The following CHGA variants were observed in gnomAD, a reference collection of about 807,000 sequenced individuals.
The protein encoded by CHGA is chromogranin-A.
CHGA carries 41 observed loss-of-function variants against 54.4 expected under a neutral mutation model. The ratio of observed to expected loss-of-function variants is 0.75; its 90% confidence interval spans 0.59 to 0.98. The LOEUF is 0.98. CHGA is among the 50% of genes least tolerant of loss of function. The pLI is 0.00. For missense variants in CHGA, 576 were observed against 582.3 expected (o/e 0.99, Z 0.11); for synonymous variants, 249 against 232.8 (o/e 1.07, Z -0.63).
Position 92,932,783 on chromosome 14 carries a change from C to A in CHGA, c.1222C>A (p.Pro408Thr). The part of the protein sequence containing the change: ...SREDSLEAGL[P>T]LQVRGYPEEK... ...GGAGGACAGCCTTGAGGCGGGCCTG[C>A]CCCTCCAGGTCCGAGGCTACCCCGA... is the stretch of plus-strand genomic sequence containing the variant. The change falls in exon 7 of 8, where the codon CCC becomes ACC. Residue 408 changes from proline to threonine, a missense_variant. By Grantham distance (38) the Pro-to-Thr change is conservative (BLOSUM62 -1). Transcript: ENST00000216492. The surrounding 1 kb of genome is among the most constrained non-coding windows in gnomAD (Gnocchi z 5.3). 6.3e-7 allele frequency: 1 copy of A among 1,584,428 alleles called. No individual in the cohort carries two copies. The highest frequency in any genetic ancestry group is 8.6e-7 in the Non-Finnish European group (1 of 1,164,592).
At chr14:92,926,416 G>T in intron 2 of CHGA, 189 bp from the exon 3 acceptor site, 1 of 608,212 alleles carries the variant, frequency 1.6e-6, no homozygotes, top group South Asian at 1.9e-5. Context: ...CTGTGTTAAG[G>T]GTTTTCTATT....
In CHGA at chr14:92,932,754, C is replaced by A. The variant is rs1165783928; in HGVS notation, c.1193C>A (p.Ser398Tyr). The A allele has an allele frequency of 6.2e-7, 1 of 1,607,018 alleles. No individual in the cohort carries two copies. The highest frequency in any genetic ancestry group is 1.3e-5 in the African/African-American group (1 of 74,848). ...CTGCGACGAGGCTGGAGGCCATCCT[C>A]CCGGGAGGACAGCCTTGAGGCGGGC... ...PQLRRGWRPS[S>Y]REDSLEAGLP... Residue 398 changes from serine (S) to tyrosine (Y), a missense_variant, in exon 7 of 8, where the codon TCC (serine) becomes TAC (tyrosine). Transcript: ENST00000216492. This position sits in a 1 kb window ranked among gnomAD's most constrained non-coding sequence, Gnocchi z 5.3.
intron 2 of CHGA, among the ~76,000 whole-genome samples, chr14:92,924,817 T>C (rs1886855645): frequency 6.6e-6 from 1 of 152,110 alleles, no homozygotes; most frequent in South Asian, 2.1e-4. Flanking sequence ...GAGACACTAG[T>C]AGGGGTTTCT....
chr14:92,932,133 T>C lies in CHGA; in HGVS notation c.809-237T>C. On this transcript the variant is annotated intron_variant, in intron 6 of 7. Transcript: ENST00000216492. The surrounding 1 kb of genome is among the most constrained non-coding windows in gnomAD (Gnocchi z 5.3). ...GGCCTGTCAGGGTCTTTCCTCACTC[T>C]CCAGCTGCCGGGCTTCTGGGGTGAG... The C allele has an allele frequency of 5.8e-6, 3 of 518,214 alleles. No homozygotes were observed. The highest frequency in any genetic ancestry group is 3.4e-5 in the Admixed American group (1 of 29,254). 32.1% of individuals were successfully genotyped at this position (518,214 alleles called of 1,614,324 possible). A position where few individuals can be genotyped will look rare whatever the true frequency, so the allele number is the denominator to read the frequency against.
chr14:92,931,201 A>C, intron 5 of CHGA, 49 bp from the exon 6 acceptor site: 1 of 1,538,208 alleles, frequency 6.5e-7, no homozygotes, highest in Non-Finnish European at 8.8e-7. Flanking sequence ...GGGAGGCCCC[A>C]CACGTGGCCC....
Position 92,934,867 on chromosome 14 carries a change from G to A in CHGA, c.1357G>A (p.Ala453Thr). 1 of 1,577,444 alleles carries A rather than the reference G, an allele frequency of 6.3e-7. No homozygotes were observed. Among genetic ancestry groups the A allele is most frequent in the Non-Finnish European group, 8.6e-7 (1 of 1,163,306 alleles). ...ELEKVAHQLQ[A>T]LRRG The stretch of plus-strand genomic sequence containing the variant: ...GGAGAAAGTGGCCCACCAGCTGCAG[G>A]CACTACGGCGGGGCTGAGACACCGG... The change falls in exon 8 of 8, where the codon GCA becomes ACA. Residue 453 changes from alanine to threonine, a missense_variant. Ala to Thr is a moderately conservative substitution (Grantham distance 58). Coordinates refer to ENST00000216492, the MANE Select transcript of CHGA (RefSeq NM_001275.4).
chr14:92,925,006 C>T (rs1393974172), intron 2 of CHGA, among the ~76,000 whole-genome samples: 1 of 152,192 alleles, frequency 6.6e-6, no homozygotes. Context: ...AGTTAAAATC[C>T]AAACCATCCA....
At chr14:92,933,087 G>A (rs1887047212) in intron 7 of CHGA, 3 of 523,006 alleles carry the variant, frequency 5.7e-6, no homozygotes, top group Non-Finnish European at 9.5e-6. Flanking sequence ...GTGGCAGCGG[G>A]GGAGGCGCTG....
intron 4 of CHGA, among the ~76,000 whole-genome samples, chr14:92,928,570 T>C (rs1408306254): frequency 6.6e-6 from 1 of 152,222 alleles, no homozygotes; most frequent in Non-Finnish European, 1.5e-5. Flanking sequence ...ACTAGTGTTT[T>C]GTTTTGTTTT....
chr14:92,925,733 A>ACT (rs1886875068), intron 2 of CHGA, among the ~76,000 whole-genome samples: 1 of 152,144 alleles, frequency 6.6e-6, no homozygotes, highest in Non-Finnish European at 1.5e-5. Flanking sequence ...CCATGCTTGA[A>ACT]AGAGTGTTTT....
At position 92,931,609 on chromosome 14, in the gene CHGA, G is replaced by T; in HGVS notation, c.715G>T (p.Ala239Ser). 1.9e-6 allele frequency: 3 copies of T among 1,613,278 alleles called. No homozygotes were observed. Among genetic ancestry groups the T allele is most frequent in the Non-Finnish European group, 2.5e-6 (3 of 1,179,752 alleles). Residue 239 changes from alanine to serine, a missense_variant, in exon 6 of 8, where the codon GCT (alanine) becomes TCT (serine). Physicochemically the swap from Ala to Ser is moderately conservative, Grantham distance 99 (BLOSUM62 1). Coordinates refer to ENST00000216492, the MANE Select transcript of CHGA (RefSeq NM_001275.4). ...GGAGGAGGAGGAGGAGGAGGCTGAG[G>T]CTGGAGAGGAGGCTGTCCCCGAGGA... is the stretch of plus-strand genomic sequence containing the variant. ...EEEEEEEEAE[A>S]GEEAVPEEEG...
chr14:92,930,869 A>G (rs1448438548), intron 5 of CHGA, among the ~76,000 whole-genome samples: 1 of 152,254 alleles, frequency 6.6e-6, no homozygotes, highest in Non-Finnish European at 1.5e-5. Flanking sequence ...AAGACAGAGA[A>G]GCCCCACATG....
At position 92,923,216 on chromosome 14, in the gene CHGA, A is replaced by C. The variant is rs543980484; in HGVS notation, c.-144A>C. On this transcript the variant is annotated 5_prime_UTR_variant, in exon 1 of 8. Coordinates refer to ENST00000216492, the MANE Select transcript of CHGA (RefSeq NM_001275.4). The stretch of plus-strand genomic sequence containing the variant: ...GGAGCTTGCGGGAGGATCGACCGAC[A>C]GACGGACGCACGCCGAGGCACTGCG... 145 of 639,922 alleles carry C rather than the reference A, an allele frequency of 2.3e-4. No homozygotes were observed. In the African/African-American group the frequency reaches 2.6e-3, roughly 11 times the overall value. 39.6% of individuals were successfully genotyped at this position (639,922 alleles called of 1,614,324 possible).
rs918633263 is a variant in CHGA, at chr14:92,932,945, C to T, written c.1290+94C>T. On this transcript the variant is annotated intron_variant, in intron 7 of 7. Transcript: ENST00000216492. This position sits in a 1 kb window ranked among gnomAD's most constrained non-coding sequence, Gnocchi z 5.3. ...CACTGCCCCTGCCCCACTGAGGGGA[C>T]AGGGCCCCCCCGCCGAAGTCTGGGG... 1 of 1,427,446 alleles carries T rather than the reference C, an allele frequency of 7.0e-7. No homozygotes were observed. The highest frequency in any genetic ancestry group is 1.4e-5 in the African/African-American group (1 of 69,272). 88.4% of individuals were successfully genotyped at this position (1,427,446 alleles called of 1,614,324 possible).
chr14:92,927,552 G>A lies in CHGA; in HGVS notation c.190G>A (p.Glu64Lys). 1 of 1,613,188 alleles carries A rather than the reference G, an allele frequency of 6.2e-7. No individual in the cohort carries two copies. The highest frequency in any genetic ancestry group is 2.2e-5 in the East Asian group (1 of 44,864). Residue 64 changes from glutamate to lysine, a missense_variant and splice_region_variant, in exon 4 of 8, where the codon GAA (glutamate) becomes AAA (lysine). Transcript: ENST00000216492. ...ATGATGACTCTTCTTCATTGCAGAT[G>A]AACGGATCCTTTCCATTCTGAGACA... ...QECFETLRGD[E>K]RILSILRHQN...
intron 5 of CHGA, among the ~76,000 whole-genome samples, 156 bp from the exon 6 acceptor site, chr14:92,931,093 GC>G (rs1886983772): frequency 6.6e-6 from 1 of 152,276 alleles, no homozygotes; most frequent in Admixed American, 6.5e-5. Flanking sequence ...CTCAGATCAA[GC>G]CTGGACATGG....
chr14:92,934,913 G>GC lies in CHGA; in HGVS notation c.*30dup. On this transcript the variant is annotated 3_prime_UTR_variant, in exon 8 of 8. Transcript: ENST00000216492. ...ACCGGCTGGCAGGGCTGGCCCCAGGGCACCCTGTGGCCCTGGCTCTGCTGT... is the reference window on the plus strand; with the variant it reads ...ACCGGCTGGCAGGGCTGGCCCCAGGGCCACCCTGTGGCCCTGGCTCTGCTGT... The GC allele has an allele frequency of 6.5e-7, 1 of 1,530,548 alleles. No homozygotes were observed. The highest frequency in any genetic ancestry group is 8.8e-7 in the Non-Finnish European group (1 of 1,137,268). 94.8% of individuals were successfully genotyped at this position (1,530,548 alleles called of 1,614,324 possible).
At chr14:92,928,199 G>C (rs1366621213) in intron 4 of CHGA, among the ~76,000 whole-genome samples, 2 of 152,236 alleles carry the variant, frequency 1.3e-5, no homozygotes, top group African/African-American at 2.4e-5. Context: ...ATTACAGCAT[G>C]AATCCAGCAT....
intron 5 of CHGA, among the ~76,000 whole-genome samples, chr14:92,930,724 T>A (rs1202982585): frequency 6.6e-6 from 1 of 152,234 alleles, no homozygotes; most frequent in African/African-American, 2.4e-5. Context: ...TGGGAGCACT[T>A]TGTTCAGTGG....
Sources: allele counts gnomAD v4.1 joint callset (sites outside exome capture counted in the v4.1 genomes callset), GRCh38; gene constraint gnomAD v4.1.1; non-coding constraint Gnocchi (gnomAD v3.1); transcripts MANE v1.5; gene names NCBI Gene and HGNC (gene_info 2026-07-23, HGNC 2026-07-21).